The following IFT122 variants were observed in gnomAD, a reference collection of about 807,000 sequenced individuals.
IFT122 encodes the protein intraflagellar transport 122.
Under a neutral mutation model 161.6 loss-of-function variants are expected in IFT122, and 118 were observed. That is an observed-to-expected ratio of 0.73 (90% confidence interval 0.63 to 0.85). The LOEUF (loss-of-function observed/expected upper bound fraction) is 0.85. Ranked by LOEUF, IFT122 falls within the 40% of genes least tolerant of loss-of-function variation. IFT122 has a pLI of 0.00. For missense variants in IFT122, 1,381 were observed against 1,579.6 expected, an observed-to-expected ratio of 0.87 and a Z score of 2.13; for synonymous variants, 550 against 602.4, an observed-to-expected ratio of 0.91 and a Z score of 1.27.
chr3:129,515,241 C>T (rs564713079), intron 25 of IFT122: 37 of 598,318 alleles, frequency 6.2e-5, no homozygotes, highest in African/African-American at 5.6e-4. Flanking sequence ...GGAAAAGTGC[C>T]GTTGAGCGCT....
At chr3:129,519,362 C>T (rs1175065901) in intron 28 of IFT122, among the ~76,000 whole-genome samples, 176 bp downstream of exon 28, 2 of 152,312 alleles carry the variant, frequency 1.3e-5, no homozygotes, top group East Asian at 3.9e-4. Context: ...ATGGCTGCCC[C>T]CGAGGGACCA....
Position 129,519,668 on chromosome 3 carries a change from G to A in IFT122, c.3572G>A (p.Arg1191Lys). Residue 1191 changes from arginine to lysine, a missense_variant, in exon 29 of 30, where the codon AGG (arginine) becomes AAG (lysine). Around this residue, in one of 7 missense-constraint regions of IFT122, gnomAD observed 177 missense variants for 199.2 expected, o/e 0.89. Coordinates refer to ENST00000348417, the MANE Select transcript of IFT122 (RefSeq NM_052989.3). ...VLIKRWPPPLRWQYFRSLLPD... is the reference protein window; with the variant it reads ...VLIKRWPPPLKWQYFRSLLPD... ...ATCAAGCGATGGCCCCCACCCCTGA[G>A]GTGGCAATACTTCCGCTCACTGCTG... 1.9e-6 allele frequency: 3 copies of A among 1,613,792 alleles called. 1 individual carries two copies. In the South Asian group the frequency reaches 3.3e-5, roughly 18 times the overall value.
At position 129,481,567 on chromosome 3, in the gene IFT122, T is replaced by C. The variant is rs191420441; in HGVS notation, c.1526T>C (p.Val509Ala). 5.0e-5 allele frequency: 80 copies of C among 1,586,768 alleles called. No individual in the cohort carries two copies. In the Admixed American group the frequency reaches 1.3e-3, roughly 26 times the overall value. The change falls in exon 14 of 30, where the codon GTC (valine) becomes GCC (alanine). Residue 509 changes from valine (V) to alanine (A), a missense_variant. Around this residue, in one of 7 missense-constraint regions of IFT122, gnomAD observed 544 missense variants for 648.0 expected, o/e 0.84. Coordinates refer to ENST00000348417, the MANE Select transcript of IFT122 (RefSeq NM_052989.3). Reference protein sequence around the residue: ...KIFVDNLFAIVLLKQATAVRC... With the variant: ...KIFVDNLFAIALLKQATAVRC... ...TTCGTGGACAATCTCTTTGCTATCG[T>C]CCTGCTGAAGCAGGCCACAGCTGTG... is the stretch of plus-strand genomic sequence containing the variant.
intron 23 of IFT122, among the ~76,000 whole-genome samples, chr3:129,512,109 A>G (rs1169001063): frequency 1.3e-5 from 2 of 152,232 alleles, no homozygotes; most frequent in African/African-American, 4.8e-5. Flanking sequence ...CTGTGAGGAT[A>G]AAAATGCATA....
At position 129,450,877 on chromosome 3, in the gene IFT122, C is replaced by T. The variant is rs187300363; in HGVS notation, c.108+940C>T. Among the ~76,000 whole-genome samples, 65 of 151,946 alleles carry T rather than the reference C, an allele frequency of 4.3e-4. No individual in the cohort carries two copies. The East Asian group carries it at 6.2e-3, about 14-fold the overall frequency. On this transcript the variant is annotated intron_variant, in intron 2 of 29. Coordinates refer to ENST00000348417, the MANE Select transcript of IFT122 (RefSeq NM_052989.3). The stretch of plus-strand genomic sequence containing the variant: ...CTGGGACTACAGGCGCCTGCCGCTA[C>T]GCTCAGCTAATTTTTTGTATTTTTA...
chr3:129,451,310 A>C lies in IFT122; in HGVS notation c.109-604A>C, dbSNP rs562166070. 4.6e-5 allele frequency among the ~76,000 whole-genome samples: 7 copies of C among 151,126 alleles called. 1 individual carries two copies. Among genetic ancestry groups the C allele is most frequent in the African/African-American group, 1.7e-4 (7 of 41,120 alleles). On this transcript the variant is annotated intron_variant, in intron 2 of 29. Transcript: ENST00000348417. ...TTATTTATTTTTATTTTTTGTAGAG[A>C]TGGGGTTTCACTTAGTTGCCCAAGC...
intron 25 of IFT122, chr3:129,515,076 GCT>G: frequency 2.6e-6 from 1 of 384,030 alleles, no homozygotes; most frequent in Non-Finnish European, 4.9e-6. Context: ...CCCTCTCCTA[GCT>G]CTGTCTCCAT....
intron 9 of IFT122, among the ~76,000 whole-genome samples, chr3:129,469,926 CCT>C (rs1577485564): frequency 6.6e-6 from 1 of 152,106 alleles, no homozygotes; most frequent in East Asian, 1.9e-4. Flanking sequence ...GCAAAGAGCC[CCT>C]GTGTGGTGTG....
intron 16 of IFT122, among the ~76,000 whole-genome samples, chr3:129,489,945 A>G (rs1228583444): frequency 6.6e-6 from 1 of 151,918 alleles, no homozygotes; most frequent in Non-Finnish European, 1.5e-5. Context: ...GAGACGACAA[A>G]TCCCTAGAAT....
At chr3:129,514,690 C>A in intron 25 of IFT122, 136 bp downstream of exon 25, 1 of 1,010,176 alleles carries the variant, frequency 9.9e-7, no homozygotes, top group Non-Finnish European at 1.5e-6. Context: ...CTGCTCAAGC[C>A]TGGCCATGCC....
chr3:129,485,289 CA>C (rs2079144512), intron 15 of IFT122, among the ~76,000 whole-genome samples: 1 of 152,200 alleles, frequency 6.6e-6, no homozygotes, highest in Non-Finnish European at 1.5e-5. Context: ...TAGGCTCTGT[CA>C]GTCTGTTTTC....
At chr3:129,474,639 C>A (rs574315871) in intron 9 of IFT122, among the ~76,000 whole-genome samples, 8 of 151,994 alleles carry the variant, frequency 5.3e-5, no homozygotes, top group Non-Finnish European at 1.0e-4. Flanking sequence ...GAGTGTAGCA[C>A]CTGTGAGGAT....
intron 3 of IFT122, among the ~76,000 whole-genome samples, chr3:129,456,857 G>A (rs573852615): frequency 2.6e-5 from 4 of 152,240 alleles, no homozygotes; most frequent in South Asian, 2.1e-4. Flanking sequence ...CGGAGGTTGC[G>A]GTGAGCCGAG....
At chr3:129,516,534 C>G (rs1324501887) in intron 26 of IFT122, among the ~76,000 whole-genome samples, 2 of 134,868 alleles carry the variant, frequency 1.5e-5, no homozygotes, top group Non-Finnish European at 3.1e-5. Flanking sequence ...CACACAGAGA[C>G]TGCCCCTGCA....
At position 129,506,465 on chromosome 3, in the gene IFT122, A is replaced by G. The variant is rs760228928; in HGVS notation, c.2707A>G (p.Asn903Asp). The G allele has an allele frequency of 9.3e-6, 15 of 1,614,216 alleles. No individual in the cohort carries two copies. Among genetic ancestry groups the G allele is most frequent in the Admixed American group, 1.7e-5 (1 of 60,032 alleles). Residue 903 changes from asparagine to aspartate, a missense_variant, in exon 22 of 30, where the codon AAC (asparagine) becomes GAC (aspartate). Physicochemically the swap from Asn to Asp is conservative, Grantham distance 23. This residue lies in a region of IFT122 where 496 missense variants were observed against 502.5 expected (regional missense o/e 0.99). Coordinates refer to ENST00000348417, the MANE Select transcript of IFT122 (RefSeq NM_052989.3). Reference protein sequence around the residue: ...EAVQVLEQLTNNAVAESRFND... With the variant: ...EAVQVLEQLTDNAVAESRFND... ...GGTCCAGGTGCTGGAGCAGCTCACA[A>G]ACAATGCCGTGGCGGAGAGCAGGTT...
At chr3:129,465,117 G>A (rs2076587364) in intron 7 of IFT122, among the ~76,000 whole-genome samples, 1 of 7,192 alleles carries the variant, frequency 1.4e-4, no homozygotes, top group Non-Finnish European at 2.3e-4. Flanking sequence ...GTATATGAGT[G>A]TGTGTGTGTG....
intron 26 of IFT122, among the ~76,000 whole-genome samples, chr3:129,516,968 ACACACACACAGACTGCCCCTG>A (rs2083914349): frequency 1.5e-5 from 2 of 137,506 alleles, no homozygotes; most frequent in Non-Finnish European, 3.1e-5. Context: ...GCCCCTACAC[ACACACACACAGACTGCCCCTG>A]CACACACACA....
rs2082949181 is a variant in IFT122 at position 129,512,465 on chromosome 3, C to T, written c.2987+53C>T. ...CCCACCACCGTTCTTGTCTAATGGC[C>T]CCAAGAAATTCCTTCCAGAGCACTT... is the stretch of plus-strand genomic sequence containing the variant. On this transcript the variant is annotated intron_variant, in intron 24 of 29. Transcript: ENST00000348417. The T allele has an allele frequency of 4.0e-6, 5 of 1,257,130 alleles. No homozygotes were observed. In the Admixed American group the frequency reaches 5.0e-5, roughly 13 times the overall value. The allele number at this position is 1,257,130 out of a possible 1,614,324, so 77.9% of individuals were successfully genotyped here.
At chr3:129,515,109 C>T (rs1349965574) in intron 25 of IFT122, 7 of 404,630 alleles carry the variant, frequency 1.7e-5, no homozygotes, top group Non-Finnish European at 3.3e-5. Context: ...CTTGGGTTCC[C>T]CCTTTCCCAC....
Sources: gnomAD v4.1 joint callset for allele counts (sites outside exome capture counted in the v4.1 genomes callset) on GRCh38, gnomAD v4.1.1 for gene constraint, gnomAD v4.1.1 regional missense constraint, MANE v1.5 for transcripts, NCBI Gene and HGNC (gene_info 2026-07-23, HGNC 2026-07-21) for gene names.